VWDE: variants seen among roughly 807,000 people sequenced by gnomAD.
VWDE encodes the protein von Willebrand factor D and EGF domain-containing protein.
VWDE carries 207 observed loss-of-function variants against 178.4 expected under a neutral mutation model. The observed-to-expected ratio is 1.16, with a 90% CI of 1.04 to 1.30. VWDE has a LOEUF of 1.30. Among genes scored for constraint, VWDE ranks in the 50% most tolerant of loss-of-function variants. The pLI is 0.00. For missense variants in VWDE, 2,287 were observed against 1,901.3 expected (o/e 1.20, Z -3.77); for synonymous variants, 738 against 651.4 (o/e 1.13, Z -2.02).
At chr7:12,398,528 A>G (rs769754684) in intron 1 of VWDE, among the ~76,000 whole-genome samples, 2 of 152,042 alleles carry the variant, frequency 1.3e-5, no homozygotes, top group Non-Finnish European at 2.9e-5. Flanking sequence ...TGCTATATAA[A>G]CCCAATTTTA....
chr7:12,363,838 G>A (rs79021913), intron 13 of VWDE, among the ~76,000 whole-genome samples: 17,255 of 151,784 alleles, frequency 0.11, 1,287 homozygotes, highest in East Asian at 0.3. Flanking sequence ...AACTCAAAAT[G>A]GAAGACAAAT....
At chr7:12,390,541 T>C (rs1189687550) in intron 2 of VWDE, among the ~76,000 whole-genome samples, 2 of 151,770 alleles carry the variant, frequency 1.3e-5, no homozygotes, top group East Asian at 1.9e-4. Context: ...ATATATGTGA[T>C]TGAATTATAA....
At position 12,393,741 on chromosome 7, in the gene VWDE, C is replaced by T; in HGVS notation, c.96G>A (p.Arg32=). 1 of 1,550,632 alleles carries T rather than the reference C, an allele frequency of 6.4e-7. No homozygotes were observed. Among genetic ancestry groups the T allele is most frequent in the South Asian group, 1.2e-5 (1 of 83,942 alleles). ...CAAAACGGACACTTCTATAAGGACTCCGAAGAAACTGGTGTCCCCCAGGAG... is the reference window on the plus strand; with the variant it reads ...CAAAACGGACACTTCTATAAGGACTTCGAAGAAACTGGTGTCCCCCAGGAG... ...ECSPGGHQFL[R]SPYRSVRFDS... is the part of the protein sequence containing the mutation. Residue 32 remains arginine, a synonymous_variant, in exon 2 of 29, where the codon CGG becomes CGA. Coordinates refer to ENST00000275358, the MANE Select transcript of VWDE (RefSeq NM_001135924.3).
At chr7:12,351,758 A>G (rs1246719054) in intron 18 of VWDE, 45 bp from the exon 19 acceptor site, 1 of 1,477,538 alleles carries the variant, frequency 6.8e-7, no homozygotes, top group East Asian at 2.5e-5. Flanking sequence ...AAACTATTAG[A>G]CAACCAAAGC....
intron 17 of VWDE, 118 bp downstream of exon 17, chr7:12,357,147 A>G (rs1782291860): frequency 3.1e-6 from 4 of 1,303,858 alleles, no homozygotes; most frequent in Non-Finnish European, 4.1e-6. Flanking sequence ...TTTTCCATAC[A>G]ATGTTTAATA....
At chr7:12,344,805 A>G (rs1017582557) in intron 19 of VWDE, among the ~76,000 whole-genome samples, 3 of 152,190 alleles carry the variant, frequency 2.0e-5, no homozygotes, top group African/African-American at 7.2e-5. Context: ...AAAGTGATAT[A>G]TAACTTGCTG....
At chr7:12,379,410 A>G in intron 6 of VWDE, 67 bp downstream of exon 6, 2 of 1,126,204 alleles carry the variant, frequency 1.8e-6, no homozygotes, top group Admixed American at 2.5e-5. Context: ...CAGCATGGAC[A>G]GATCACAGTT....
chr7:12,375,755 C>T (rs558273969), intron 7 of VWDE, among the ~76,000 whole-genome samples: 8 of 151,968 alleles, frequency 5.3e-5, no homozygotes, highest in Non-Finnish European at 1.0e-4. Context: ...GATGATCTCA[C>T]AACAGTAACA....
intron 3 of VWDE, 105 bp downstream of exon 3, chr7:12,389,022 T>C (rs1044036619): frequency 1.2e-6 from 1 of 849,188 alleles, no homozygotes; most frequent in African/African-American, 1.7e-5. Flanking sequence ...GTAGACTGAG[T>C]ATCTTACTGA....
At chr7:12,360,957 T>C (rs1782541657) in intron 15 of VWDE, among the ~76,000 whole-genome samples, 190 bp downstream of exon 15, 1 of 152,152 alleles carries the variant, frequency 6.6e-6, no homozygotes, top group Non-Finnish European at 1.5e-5. Flanking sequence ...CATTTCAAAA[T>C]GTTAAAGGTA....
chr7:12,362,054 C>G (rs1431382199), intron 13 of VWDE, among the ~76,000 whole-genome samples: 1 of 152,020 alleles, frequency 6.6e-6, no homozygotes, highest in Non-Finnish European at 1.5e-5. Flanking sequence ...GATATTTTAA[C>G]TTTGTACCAA....
At chr7:12,378,510 T>C (rs1185150118) in intron 6 of VWDE, among the ~76,000 whole-genome samples, 1 of 152,160 alleles carries the variant, frequency 6.6e-6, no homozygotes, top group Admixed American at 6.5e-5. Flanking sequence ...AATGTTTCCA[T>C]GCAGTCTCGA....
intron 7 of VWDE, 140 bp from the exon 8 acceptor site, chr7:12,375,367 A>T (rs6460940): frequency 0.24 from 187,393 of 770,802 alleles, 24,373 homozygotes; most frequent in African/African-American, 0.35. Flanking sequence ...ATGGTTGCAA[A>T]TTTTGTCTAA....
At chr7:12,338,569 A>G (rs1032180281) in intron 24 of VWDE, among the ~76,000 whole-genome samples, 2 of 152,158 alleles carry the variant, frequency 1.3e-5, no homozygotes, top group African/African-American at 4.8e-5. Context: ...AAAAGCATAC[A>G]TACTTAAAAT....
At chr7:12,385,866 G>A (rs1206983775) in intron 3 of VWDE, among the ~76,000 whole-genome samples, 3 of 152,132 alleles carry the variant, frequency 2.0e-5, no homozygotes, top group Non-Finnish European at 4.4e-5. Flanking sequence ...CTTGAATATG[G>A]AGATTATGAG....
chr7:12,338,332 G>A (rs1277586297), intron 24 of VWDE, among the ~76,000 whole-genome samples: 1 of 151,492 alleles, frequency 6.6e-6, no homozygotes, highest in African/African-American at 2.4e-5. Context: ...CTTTTTATTG[G>A]TAGAGAAATG....
intron 10 of VWDE, among the ~76,000 whole-genome samples, chr7:12,372,241 T>C (rs536541817): frequency 6.6e-6 from 1 of 152,214 alleles, no homozygotes; most frequent in Non-Finnish European, 1.5e-5. Flanking sequence ...ATGAGTATTT[T>C]CTATCTGACC....
intron 2 of VWDE, 77 bp downstream of exon 2, chr7:12,393,517 T>C (rs1583353535): frequency 8.2e-7 from 1 of 1,213,392 alleles, no homozygotes; most frequent in Non-Finnish European, 1.1e-6. Context: ...AGAAATAAGC[T>C]GGTGGTAAAA....
intron 24 of VWDE, among the ~76,000 whole-genome samples, chr7:12,340,074 C>A (rs182117631): frequency 1.4e-4 from 21 of 152,268 alleles, no homozygotes; most frequent in African/African-American, 4.3e-4. Context: ...ATACCTTGGG[C>A]CTACAAAGCT....
Sources: gnomAD v4.1 joint callset for allele counts (sites outside exome capture counted in the v4.1 genomes callset) on GRCh38, gnomAD v4.1.1 for gene constraint, MANE v1.5 for transcripts, NCBI Gene and HGNC (gene_info 2026-07-23, HGNC 2026-07-21) for gene names.